Variants in RMDN2 observed in about 807,000 individuals in gnomAD.
RMDN2 encodes the protein regulator of microtubule dynamics 2, also known as regulator of microtubule dynamics protein 2.
In RMDN2, 61 loss-of-function variants were observed where a neutral mutation model predicts 52.8. The ratio of observed to expected loss-of-function variants is 1.16; its 90% CI spans 0.94 to 1.43. RMDN2 has a LOEUF of 1.43. RMDN2 is among the 40% of genes most tolerant of loss of function. The pLI is 0.00. For missense variants in RMDN2, 592 were observed against 475.3 expected, an observed-to-expected ratio of 1.25 and a Z score of -2.28; for synonymous variants, 180 against 153.1, an observed-to-expected ratio of 1.18 and a Z score of -1.30.
At chr2:37,974,928 G>C (rs1572890083) in intron 3 of RMDN2, 4 of 302,614 alleles carry the variant, frequency 1.3e-5, no homozygotes, top group Middle Eastern at 1.9e-3. Flanking sequence ...AGAATTTCTA[G>C]ATTTTGGTGC....
In RMDN2 at chr2:38,017,189, A is replaced by T. The variant is rs1167833497; in HGVS notation, c.1183A>T (p.Lys395Ter). The change falls in exon 11 of 11, where the codon AAA (lysine) becomes TAA (stop). Residue 395 changes from lysine (K) to a stop codon, truncating the protein, a stop_gained. Transcript: ENST00000354545. LOFTEE classifies it high-confidence loss of function. ...TGTATTTGTATTTTCTTTATAGGAT[A>T]AAGAGGCACAGAAAGAGATGCAAAA... Reference protein sequence around the residue: ...LLLPTVTKEDKEAQKEMQKIM... With the variant: ...LLLPTVTKED 6.6e-7 allele frequency: 1 copy of T among 1,522,066 alleles called. No individual in the cohort carries two copies. The allele number at this position is 1,522,066 out of a possible 1,614,324, so 94.3% of individuals were successfully genotyped here.
At chr2:37,937,563 CT>C (rs1171822012) in intron 2 of RMDN2, among the ~76,000 whole-genome samples, 1 of 152,106 alleles carries the variant, frequency 6.6e-6, no homozygotes, top group Non-Finnish European at 1.5e-5. Context: ...TGTGTCCTCT[CT>C]TGTTTCTTTG....
intron 2 of RMDN2, among the ~76,000 whole-genome samples, chr2:37,971,550 TATAAG>T (rs1347530329): frequency 6.6e-6 from 1 of 152,190 alleles, no homozygotes; most frequent in Non-Finnish European, 1.5e-5. Context: ...TTTTTAAAAA[TATAAG>T]GTAGAGTTTC....
chr2:37,935,383 G>T (rs1667200199), intron 2 of RMDN2, among the ~76,000 whole-genome samples: 1 of 152,144 alleles, frequency 6.6e-6, no homozygotes, highest in South Asian at 2.1e-4. Context: ...AACATTACTT[G>T]CTCCTGTCAG....
In RMDN2 at chr2:37,943,968, A is replaced by G. The variant is rs369376415; in HGVS notation, c.452+14239A>G. Among the ~76,000 whole-genome samples, 10 of 152,312 alleles carry G rather than the reference A, an allele frequency of 6.6e-5. No individual in the cohort carries two copies. In the East Asian group the frequency reaches 1.5e-3, roughly 23 times the overall value. ...ATGGTCATGCCAACAGGTGAAGTGT[A>G]TAAGGTGTCTGCATATTTTGTGTAA... On this transcript the variant is annotated intron_variant, in intron 2 of 10. Coordinates refer to ENST00000354545, the MANE Select transcript of RMDN2 (RefSeq NM_001170791.3).
At chr2:37,960,884 G>C (rs148947248) in intron 2 of RMDN2, among the ~76,000 whole-genome samples, 1 of 152,184 alleles carries the variant, frequency 6.6e-6, no homozygotes, top group Non-Finnish European at 1.5e-5. Context: ...AGGCAGGCCT[G>C]GTGGTTACCA....
chr2:37,924,038 C>T (rs567829842), upstream of RMDN2, among the ~76,000 whole-genome samples: 1 of 152,208 alleles, frequency 6.6e-6, no homozygotes, highest in Non-Finnish European at 1.5e-5. Flanking sequence ...TCGTGAGCCA[C>T]TGCGCCCTGC....
chr2:38,062,912 A>C (rs1682116323), intron 10 of RMDN2, among the ~76,000 whole-genome samples: 1 of 152,014 alleles, frequency 6.6e-6, no homozygotes, highest in African/African-American at 2.4e-5. Context: ...ATGATGGTTT[A>C]CAGTTTCATC....
intron 2 of RMDN2, among the ~76,000 whole-genome samples, chr2:37,948,920 G>T (rs772619815): frequency 6.6e-6 from 1 of 152,154 alleles, no homozygotes; most frequent in South Asian, 2.1e-4. Context: ...CTTTGGGGTA[G>T]CTCAGTGAGC....
intron 5 of RMDN2, among the ~76,000 whole-genome samples, chr2:37,988,785 CTG>C (rs1674379947): frequency 1.3e-5 from 2 of 152,290 alleles, no homozygotes; most frequent in East Asian, 3.9e-4. Context: ...TAGAAACACT[CTG>C]AATGTGAAAA....
intron 10 of RMDN2, among the ~76,000 whole-genome samples, chr2:38,041,079 G>A (rs963598901): frequency 1.1e-4 from 17 of 152,082 alleles, no homozygotes; most frequent in African/African-American, 3.1e-4. Context: ...TGCTATAATT[G>A]TTTATTAGTT....
At chr2:38,064,489 C>CA (rs543939040) in intron 10 of RMDN2, among the ~76,000 whole-genome samples, 155 of 133,866 alleles carry the variant, frequency 1.2e-3, no homozygotes, top group Middle Eastern at 7.4e-3. Context: ...GACTCCATCT[C>CA]AAAAAAAAAA....
chr2:38,038,305 GTC>G (rs1680732808), intron 10 of RMDN2, among the ~76,000 whole-genome samples: 1 of 152,154 alleles, frequency 6.6e-6, no homozygotes, highest in African/African-American at 2.4e-5. Flanking sequence ...CCGACTGCGA[GTC>G]TCTTTGTGCA....
chr2:37,949,278 G>A (rs757331696), intron 2 of RMDN2, among the ~76,000 whole-genome samples: 2 of 152,142 alleles, frequency 1.3e-5, no homozygotes, highest in Non-Finnish European at 2.9e-5. Context: ...CTTGAAGAAT[G>A]AGTTACTGTT....
chr2:37,963,390 C>T (rs2125025743), intron 2 of RMDN2, among the ~76,000 whole-genome samples: 1 of 144,340 alleles, frequency 6.9e-6, no homozygotes, highest in South Asian at 2.2e-4. Context: ...GGTCATAGGA[C>T]AATAGTGGAG....
At chr2:37,979,482 G>T (rs147676756) in intron 4 of RMDN2, among the ~76,000 whole-genome samples, 303 of 152,298 alleles carry the variant, frequency 2.0e-3, no homozygotes, top group African/African-American at 6.7e-3. Context: ...ATAATAGCAT[G>T]TTTAAGGTTG....
In RMDN2 at chr2:37,929,460, C is replaced by T. The variant is rs982345177; in HGVS notation, c.183C>T (p.Asp61=). 33 of 1,551,272 alleles carry T rather than the reference C, an allele frequency of 2.1e-5. No individual in the cohort carries two copies. The highest frequency in any genetic ancestry group is 3.9e-5 in the Admixed American group (2 of 50,954). Residue 61 remains aspartate, a synonymous_variant, in exon 2 of 11, where the codon GAC becomes GAT. Coordinates refer to ENST00000354545, the MANE Select transcript of RMDN2 (RefSeq NM_001170791.3). ...SITLQDEIHD[D]QGTTVIFQER... is the part of the protein sequence containing the mutation. Reference sequence around the variant, plus strand: ...CTTTGCAAGATGAAATACATGATGACCAAGGAACAACAGTAATCTTTCAAG... The same window carrying T: ...CTTTGCAAGATGAAATACATGATGATCAAGGAACAACAGTAATCTTTCAAG...
At chr2:38,008,639 T>A (rs1016114160) in intron 10 of RMDN2, among the ~76,000 whole-genome samples, 91 of 152,212 alleles carry the variant, frequency 6.0e-4, no homozygotes, top group African/African-American at 1.9e-3. Flanking sequence ...CAGCACACTG[T>A]TGGGTCTTGA....
At chr2:37,932,682 G>T (rs1173275115) in intron 2 of RMDN2, among the ~76,000 whole-genome samples, 1 of 143,370 alleles carries the variant, frequency 7.0e-6, no homozygotes, top group Non-Finnish European at 1.6e-5. Flanking sequence ...CTGGCCGGGC[G>T]GGGGGCTGAC....
Sources: gnomAD v4.1 joint callset for allele counts (sites outside exome capture counted in the v4.1 genomes callset) on GRCh38, gnomAD v4.1.1 for gene constraint, MANE v1.5 for transcripts, NCBI Gene and HGNC (gene_info 2026-07-23, HGNC 2026-07-21) for gene names.